The following LAMA2 variants were observed in gnomAD, a reference collection of about 807,000 sequenced individuals.
LAMA2 encodes laminin subunit alpha-2.
Under a neutral mutation model 364.8 loss-of-function variants are expected in LAMA2, and 269 were observed. The observed-to-expected ratio is 0.74, with a 90% CI of 0.67 to 0.82. The LOEUF is 0.82. Among genes scored for constraint, LAMA2 ranks in the 40% least tolerant of loss-of-function variants. The pLI is 0.00. For synonymous variants in LAMA2, 1,379 were observed against 1,370.6 expected (o/e 1.01, Z -0.14); for missense variants, 3,807 against 3,873.2 (o/e 0.98, Z 0.45).
chr6:129,122,833 A>G (rs957340155), intron 4 of LAMA2, among the ~76,000 whole-genome samples: 9 of 152,180 alleles, frequency 5.9e-5, no homozygotes, highest in Admixed American at 2.0e-4. Flanking sequence ...AACCTCTCTG[A>G]GCCTGTTTCC....
intron 20 of LAMA2, chr6:129,292,705 T>C: frequency 1.6e-6 from 1 of 618,894 alleles, no homozygotes; most frequent in Non-Finnish European, 2.0e-6. Context: ...CAAACTGGCC[T>C]TACTGTAGGA....
Position 129,376,917 on chromosome 6 carries a change from C to T in LAMA2, c.4960-6205C>T, listed in dbSNP as rs929237008. ...GGGCAAGAAACCTTTTTGTTTCTTA[C>T]CACAGTATCACCAATATTGTACACA... is the stretch of plus-strand genomic sequence containing the variant. On this transcript the variant is annotated intron_variant, in intron 34 of 64. Transcript: ENST00000421865. Among the ~76,000 whole-genome samples the T allele has an allele frequency of 1.6e-4, 24 of 152,144 alleles. No individual in the cohort carries two copies. The East Asian group carries it at 4.2e-3, about 27-fold the overall frequency.
intron 2 of LAMA2, among the ~76,000 whole-genome samples, chr6:129,054,997 C>T (rs946262566): frequency 1.3e-5 from 2 of 150,214 alleles, no homozygotes; most frequent in South Asian, 2.1e-4. Context: ...TCTTTTGTCT[C>T]GTGGAAGATA....
At chr6:129,213,577 A>G (rs430241) in intron 12 of LAMA2, among the ~76,000 whole-genome samples, 53,272 of 152,056 alleles carry the variant, frequency 0.35, 11,572 homozygotes, top group African/African-American at 0.61. Context: ...ATTCTAATAG[A>G]TATGTAGTGG....
chr6:129,388,704 CAT>C (rs1562518505), intron 35 of LAMA2, among the ~76,000 whole-genome samples: 1 of 152,140 alleles, frequency 6.6e-6, no homozygotes, highest in African/African-American at 2.4e-5. Context: ...CGCACACACA[CAT>C]ATTCATTTAA....
chr6:129,333,123 C>T (rs1335120697), intron 29 of LAMA2, among the ~76,000 whole-genome samples: 2 of 151,998 alleles, frequency 1.3e-5, no homozygotes, highest in Non-Finnish European at 2.9e-5. Context: ...AACTCCTGAC[C>T]TCAAGTGATC....
chr6:129,362,522 CTT>C (rs1406848238), intron 32 of LAMA2, among the ~76,000 whole-genome samples: 4 of 152,172 alleles, frequency 2.6e-5, no homozygotes, highest in Admixed American at 2.6e-4. Context: ...TTGCCATTCT[CTT>C]TGTCCAAAGT....
At chr6:129,172,770 C>G (rs541180011) in intron 9 of LAMA2, among the ~76,000 whole-genome samples, 16 of 152,356 alleles carry the variant, frequency 1.1e-4, no homozygotes, top group Admixed American at 3.9e-4. Context: ...CCTCCCCCAG[C>G]CTCGCTGCTG....
chr6:129,371,403 A>G (rs1778068655), intron 34 of LAMA2, among the ~76,000 whole-genome samples: 1 of 152,134 alleles, frequency 6.6e-6, no homozygotes, highest in African/African-American at 2.4e-5. Context: ...GAATAATTTC[A>G]TCTGCTTAGG....
intron 5 of LAMA2, 32 bp from the exon 6 acceptor site, chr6:129,146,927 A>T (rs752103756): frequency 5.9e-6 from 8 of 1,361,632 alleles, no homozygotes; most frequent in Non-Finnish European, 8.4e-6. Context: ...CAGTCATCTT[A>T]ACAGGATTTC....
intron 33 of LAMA2, 133 bp downstream of exon 33, chr6:129,366,494 G>A (rs1486367230): frequency 4.0e-6 from 4 of 1,002,740 alleles, no homozygotes; most frequent in African/African-American, 1.6e-5. Flanking sequence ...GAAATTCAGA[G>A]ACTTTCTTAA....
chr6:129,128,566 A>T (rs1444649723), intron 4 of LAMA2, among the ~76,000 whole-genome samples: 1 of 152,218 alleles, frequency 6.6e-6, no homozygotes, highest in Non-Finnish European at 1.5e-5. Flanking sequence ...TTGCACTGAA[A>T]TCTGTAGATT....
chr6:129,090,570 T>A (rs1774756461), intron 3 of LAMA2, among the ~76,000 whole-genome samples: 1 of 152,212 alleles, frequency 6.6e-6, no homozygotes, highest in Non-Finnish European at 1.5e-5. Context: ...CCTTGCAACT[T>A]ATTTTTTTGA....
chr6:129,046,957 A>G lies in LAMA2; in HGVS notation c.113-2961A>G, dbSNP rs987370745. Among the ~76,000 whole-genome samples the G allele has an allele frequency of 2.0e-5, 3 of 152,238 alleles. No individual in the cohort carries two copies. In the South Asian group the frequency reaches 6.2e-4, roughly 32 times the overall value. On this transcript the variant is annotated intron_variant, in intron 1 of 64. Transcript: ENST00000421865. ...CTGTCTGGCATAATATGTGCTCAAA[A>G]CATATTTGATGAAGGAATAGTTGTA...
chr6:129,012,300 AG>A (rs911145743), intron 1 of LAMA2, among the ~76,000 whole-genome samples: 4 of 149,918 alleles, frequency 2.7e-5, no homozygotes, highest in Non-Finnish European at 5.9e-5. Flanking sequence ...TGTTATTAAT[AG>A]TTATTTTTCT....
At chr6:129,421,283 G>A (rs1781059359) in intron 40 of LAMA2, among the ~76,000 whole-genome samples, 1 of 151,438 alleles carries the variant, frequency 6.6e-6, no homozygotes, top group Admixed American at 6.6e-5. Flanking sequence ...AATAGACTCT[G>A]TTTTGCATGA....
intron 54 of LAMA2, among the ~76,000 whole-genome samples, chr6:129,480,920 C>T (rs2784898): frequency 0.34 from 52,275 of 151,800 alleles, 10,145 homozygotes; most frequent in African/African-American, 0.54. Context: ...AGACATGTAC[C>T]TGCTTGTGTG....
chr6:128,896,043 A>G (rs1309440148), intron 1 of LAMA2, among the ~76,000 whole-genome samples: 1 of 152,178 alleles, frequency 6.6e-6, no homozygotes, highest in East Asian at 1.9e-4. Context: ...TCACTCTTCA[A>G]GGGCCTCATA....
At chr6:129,025,456 C>G (rs570540355) in intron 1 of LAMA2, among the ~76,000 whole-genome samples, 1 of 152,198 alleles carries the variant, frequency 6.6e-6, no homozygotes, top group East Asian at 1.9e-4. Context: ...ATGGTTATTG[C>G]TCTTCAATAA....
Sources: gnomAD v4.1 joint callset for allele counts (sites outside exome capture counted in the v4.1 genomes callset) on GRCh38, gnomAD v4.1.1 for gene constraint, MANE v1.5 for transcripts, NCBI Gene and HGNC (gene_info 2026-07-23, HGNC 2026-07-21) for gene names.